Variants in FHIT observed in about 807,000 individuals in gnomAD.
The protein encoded by FHIT is bis(5'-adenosyl)-triphosphatase.
Under a neutral mutation model 17.9 loss-of-function variants are expected in FHIT, and 19 were observed. The observed-to-expected ratio is 1.06, with a 90% CI of 0.74 to 1.56. The LOEUF (loss-of-function observed/expected upper bound fraction) is 1.56, where lower values mean the gene tolerates loss of function less well. Ranked by LOEUF, FHIT falls within the 40% of genes most tolerant of loss-of-function variation. The probability of loss-of-function intolerance (pLI) is 0.00; values close to 1 mark genes in which losing one functional copy is unlikely to be tolerated. For missense variants in FHIT, 248 were observed against 189.2 expected, an observed-to-expected ratio of 1.31 and a Z score of -1.82; for synonymous variants, 81 against 69.7, an observed-to-expected ratio of 1.16 and a Z score of -0.81.
chr3:60,933,998 A>G (rs1401921006), intron 3 of FHIT, among the ~76,000 whole-genome samples: 9 of 152,228 alleles, frequency 5.9e-5, no homozygotes, highest in Admixed American at 3.3e-4. Context: ...GAATGGGGCC[A>G]GAAACTGCTT....
At chr3:59,988,860 AG>A (rs1259031039) in intron 7 of FHIT, among the ~76,000 whole-genome samples, 2 of 152,118 alleles carry the variant, frequency 1.3e-5, no homozygotes, top group Non-Finnish European at 2.9e-5. Context: ...AGGAGGAAAC[AG>A]GGGCAAAGCT....
chr3:60,554,177 A>C (rs947293101), intron 4 of FHIT, among the ~76,000 whole-genome samples: 2 of 152,052 alleles, frequency 1.3e-5, no homozygotes, highest in African/African-American at 4.8e-5. Context: ...AAAGTATGGC[A>C]TGACTTCTCA....
intron 8 of FHIT, among the ~76,000 whole-genome samples, chr3:59,789,507 A>T (rs1699460187): frequency 6.6e-6 from 1 of 152,320 alleles, no homozygotes; most frequent in East Asian, 1.9e-4. Context: ...GAAGGTTTAC[A>T]TCTTATTCTC....
intron 1 of FHIT, among the ~76,000 whole-genome samples, chr3:61,232,345 C>T (rs896685277): frequency 2.6e-5 from 4 of 152,182 alleles, no homozygotes; most frequent in East Asian, 1.9e-4. Context: ...TGAGATCTTG[C>T]CACTGCACTT....
chr3:60,744,464 G>T (rs782434616), intron 4 of FHIT, among the ~76,000 whole-genome samples: 1 of 152,090 alleles, frequency 6.6e-6, no homozygotes, highest in Non-Finnish European at 1.5e-5. Flanking sequence ...CCACAACTTT[G>T]TTCTAATAGG....
At chr3:60,154,491 C>G (rs1700597345) in intron 5 of FHIT, among the ~76,000 whole-genome samples, 1 of 152,202 alleles carries the variant, frequency 6.6e-6, no homozygotes, top group Non-Finnish European at 1.5e-5. Context: ...TATATCCCAT[C>G]AAGGAATCAT....
chr3:60,560,816 C>A lies in FHIT; in HGVS notation c.-17-23837G>T, dbSNP rs1019834242. Among the ~76,000 whole-genome samples, 3 of 123,212 alleles carry A rather than the reference C, an allele frequency of 2.4e-5. No homozygotes were observed. The Admixed American group carries it at 2.6e-4, about 11-fold the overall frequency. The allele number at this position is 123,212 out of a possible 152,430, so 80.8% of individuals were successfully genotyped here. A position where few individuals can be genotyped will look rare whatever the true frequency, so the allele number is the denominator to read the frequency against. On this transcript the variant is annotated intron_variant, in intron 4 of 9. Coordinates refer to ENST00000492590, the MANE Select transcript of FHIT (RefSeq NM_002012.4). ...TGATGTAAGGAGACACACACACACA[C>A]ACACACACACACACACACACACACA...
chr3:60,232,758 C>T (rs956455184), intron 5 of FHIT, among the ~76,000 whole-genome samples: 14 of 152,124 alleles, frequency 9.2e-5, no homozygotes, highest in African/African-American at 3.4e-4. Context: ...GACAAGGAGA[C>T]CTGAGTGATC....
intron 2 of FHIT, among the ~76,000 whole-genome samples, chr3:61,098,989 T>C (rs74457651): frequency 0.021 from 3,155 of 152,312 alleles, 69 homozygotes; most frequent in African/African-American, 0.059. Flanking sequence ...GGCATCGTTG[T>C]CTTATGCTGA....
rs185529217 is a variant in FHIT at position 59,764,652 on chromosome 3, C to T, written c.349-12331G>A. Among the ~76,000 whole-genome samples, 3 of 152,252 alleles carry T rather than the reference C, an allele frequency of 2.0e-5. No homozygotes were observed. The East Asian group carries it at 5.8e-4, about 29-fold the overall frequency. On this transcript the variant is annotated intron_variant, in intron 8 of 9. Transcript: ENST00000492590. Reference sequence around the variant, plus strand: ...ATTTAAAAACCCTCTTTAATGAAGACATAAAGCCTTGAATGCATCTGAAAC... The same window carrying T: ...ATTTAAAAACCCTCTTTAATGAAGATATAAAGCCTTGAATGCATCTGAAAC...
intron 3 of FHIT, among the ~76,000 whole-genome samples, chr3:61,010,355 CT>C (rs1450661603): frequency 1.3e-5 from 2 of 152,192 alleles, no homozygotes; most frequent in Non-Finnish European, 2.9e-5. Context: ...TGCAGACCTA[CT>C]GATAATCATA....
At chr3:60,115,573 C>T (rs553301783) in intron 5 of FHIT, among the ~76,000 whole-genome samples, 6 of 152,204 alleles carry the variant, frequency 3.9e-5, no homozygotes, top group South Asian at 2.1e-4. Flanking sequence ...TTATTCATAG[C>T]GTTCTGGCAA....
chr3:60,047,489 G>A (rs1286496714), intron 5 of FHIT, among the ~76,000 whole-genome samples: 1 of 152,186 alleles, frequency 6.6e-6, no homozygotes, highest in African/African-American at 2.4e-5. Flanking sequence ...AGGAGCCATT[G>A]AAAACAACAG....
chr3:60,118,503 G>C (rs1203463943), intron 5 of FHIT, among the ~76,000 whole-genome samples: 2 of 151,932 alleles, frequency 1.3e-5, no homozygotes, highest in South Asian at 4.2e-4. Flanking sequence ...TATGTCAAGG[G>C]GTGACTGACA....
chr3:60,632,308 T>C (rs2039466917), intron 4 of FHIT, among the ~76,000 whole-genome samples: 1 of 152,144 alleles, frequency 6.6e-6, no homozygotes, highest in African/African-American at 2.4e-5. Context: ...AATAGAAGGA[T>C]CAGGTTTTCC....
At chr3:60,226,816 G>A (rs1341739301) in intron 5 of FHIT, among the ~76,000 whole-genome samples, 6 of 152,180 alleles carry the variant, frequency 3.9e-5, no homozygotes, top group Non-Finnish European at 7.4e-5. Context: ...ATCTATCTGT[G>A]GACACTGATA....
intron 5 of FHIT, among the ~76,000 whole-genome samples, chr3:60,327,569 G>A (rs1171373322): frequency 1.3e-5 from 2 of 152,186 alleles, no homozygotes; most frequent in East Asian, 3.8e-4. Context: ...TCTTGCATAT[G>A]GTGTGTGCTA....
intron 3 of FHIT, among the ~76,000 whole-genome samples, chr3:60,824,659 CATGGGAGGAACCTG>C (rs1702050087): frequency 6.6e-6 from 1 of 152,176 alleles, no homozygotes; most frequent in East Asian, 1.9e-4. Context: ...TCCCATGTGT[CATGGGAGGAACCTG>C]GTGGGAGGTA....
intron 5 of FHIT, among the ~76,000 whole-genome samples, chr3:60,385,607 T>C (rs1464230158): frequency 6.6e-6 from 1 of 152,204 alleles, no homozygotes; most frequent in African/African-American, 2.4e-5. Context: ...TGAAACAGGA[T>C]CTCACTTTGT....
Sources: allele counts gnomAD v4.1 joint callset (sites outside exome capture counted in the v4.1 genomes callset), GRCh38; gene constraint gnomAD v4.1.1; transcripts MANE v1.5; gene names NCBI Gene and HGNC (gene_info 2026-07-23, HGNC 2026-07-21).